The following XRCC4 variants were observed in gnomAD, a reference collection of about 807,000 sequenced individuals.
The protein encoded by XRCC4 is X-ray repair cross complementing 4, also known as DNA repair protein XRCC4.
Under a neutral mutation model 39.1 loss-of-function variants are expected in XRCC4, and 28 were observed. The ratio of observed to expected loss-of-function variants is 0.72; its 90% confidence interval spans 0.53 to 0.98. The LOEUF is 0.98. Among genes scored for constraint, XRCC4 ranks in the 50% least tolerant of loss-of-function variants. XRCC4 has a pLI of 0.00. For missense variants in XRCC4, 350 were observed against 376.4 expected (o/e 0.93, Z 0.58); for synonymous variants, 123 against 126.4 (o/e 0.97, Z 0.18).
chr5:83,355,319 G>T (rs574634095), downstream of XRCC4, among the ~76,000 whole-genome samples: 1 of 151,882 alleles, frequency 6.6e-6, no homozygotes, highest in African/African-American at 2.4e-5. Context: ...TCACTCTCTC[G>T]AATTACTTTT....
chr5:83,148,241 A>G (rs1270138701), intron 3 of XRCC4, among the ~76,000 whole-genome samples: 1 of 152,162 alleles, frequency 6.6e-6, no homozygotes, highest in Non-Finnish European at 1.5e-5. Flanking sequence ...ATTGTATCTG[A>G]TACACAGTAG....
In XRCC4 at chr5:83,101,752, A is replaced by T. The variant is rs920109315; in HGVS notation, c.-10-3158A>T. On this transcript the variant is annotated intron_variant, in intron 1 of 7. Coordinates refer to ENST00000396027, the MANE Select transcript of XRCC4 (RefSeq NM_003401.5). ...GCATGACTTGAATACTTAGAAGAAGAAGTTTATCAGATTTCTAGATGACAA... is the reference window on the plus strand; with the variant it reads ...GCATGACTTGAATACTTAGAAGAAGTAGTTTATCAGATTTCTAGATGACAA... Among the ~76,000 whole-genome samples, 7 of 152,264 alleles carry T rather than the reference A, an allele frequency of 4.6e-5. No homozygotes were observed. In the South Asian group the frequency reaches 6.2e-4, roughly 14 times the overall value.
chr5:83,339,485 T>C (rs1234803444), intron 7 of XRCC4, among the ~76,000 whole-genome samples: 1 of 148,582 alleles, frequency 6.7e-6, no homozygotes, highest in Non-Finnish European at 1.5e-5. Context: ...GAGATGGGGG[T>C]GGGGTGGGGG....
chr5:83,089,031 G>C (rs989324923), intron 1 of XRCC4, among the ~76,000 whole-genome samples: 3 of 152,202 alleles, frequency 2.0e-5, no homozygotes, highest in African/African-American at 7.2e-5. Context: ...TACTCTTTTA[G>C]CTGTGTGACC....
At chr5:83,348,464 G>A (rs959186510) in intron 7 of XRCC4, among the ~76,000 whole-genome samples, 1 of 152,228 alleles carries the variant, frequency 6.6e-6, no homozygotes, top group African/African-American at 2.4e-5. Context: ...ACCCTCTGAA[G>A]CAATGGCCCA....
chr5:83,363,717 G>A, the XRCC4 span, among the ~76,000 whole-genome samples: 4 of 152,314 alleles, frequency 2.6e-5, no homozygotes, highest in South Asian at 8.3e-4. Flanking sequence ...GATATAAGCA[G>A]AAGTGGTTTT....
intron 3 of XRCC4, among the ~76,000 whole-genome samples, chr5:83,114,237 G>A (rs980796609): frequency 3.9e-5 from 6 of 152,132 alleles, no homozygotes; most frequent in African/African-American, 1.2e-4. Context: ...GACATGCCTC[G>A]GAGACATTTC....
chr5:83,203,730 G>A (rs1422617403), intron 5 of XRCC4, 23 bp downstream of exon 5: 6 of 1,605,800 alleles, frequency 3.7e-6, no homozygotes, highest in Middle Eastern at 1.7e-4. Flanking sequence ...TCTTGTTTTT[G>A]GATGACAGAT....
At chr5:83,261,474 C>T (rs535219214) in intron 7 of XRCC4, among the ~76,000 whole-genome samples, 16 of 152,140 alleles carry the variant, frequency 1.1e-4, no homozygotes, top group Admixed American at 2.0e-4. Flanking sequence ...CTTCTGATTG[C>T]ATGACCTTCA....
intron 3 of XRCC4, among the ~76,000 whole-genome samples, chr5:83,125,268 A>G (rs1207111849): frequency 2.6e-5 from 4 of 152,178 alleles, no homozygotes; most frequent in Non-Finnish European, 4.4e-5. Flanking sequence ...ATGTAGAGCA[A>G]AAGCTTTTAT....
At chr5:83,206,427 T>C (rs1474911138) in intron 6 of XRCC4, among the ~76,000 whole-genome samples, 1 of 151,994 alleles carries the variant, frequency 6.6e-6, no homozygotes, top group Admixed American at 6.6e-5. Context: ...GGCAAAAATA[T>C]AAATGTGGTA....
the XRCC4 span, among the ~76,000 whole-genome samples, chr5:83,369,967 C>G: frequency 6.6e-6 from 1 of 152,114 alleles, no homozygotes; most frequent in Non-Finnish European, 1.5e-5. Context: ...GATGCTATCT[C>G]ATTGTGGTTT....
chr5:83,337,762 T>G (rs1413179508), intron 7 of XRCC4, among the ~76,000 whole-genome samples: 1 of 152,210 alleles, frequency 6.6e-6, no homozygotes, highest in African/African-American at 2.4e-5. Context: ...GAGTGGTTTA[T>G]TACACAACTG....
intron 6 of XRCC4, among the ~76,000 whole-genome samples, chr5:83,209,830 T>C (rs1173028715): frequency 6.6e-6 from 1 of 152,150 alleles, no homozygotes; most frequent in Non-Finnish European, 1.5e-5. Context: ...TCTTTTTAGC[T>C]GCATATTAAA....
chr5:83,364,095 G>A, the XRCC4 span, among the ~76,000 whole-genome samples: 2 of 152,076 alleles, frequency 1.3e-5, no homozygotes, highest in South Asian at 2.1e-4. Context: ...GTGAAAGAGG[G>A]GCTTAAATCC....
intron 6 of XRCC4, among the ~76,000 whole-genome samples, chr5:83,223,577 A>T (rs1296852849): frequency 3.5e-5 from 5 of 144,222 alleles, no homozygotes; most frequent in African/African-American, 1.3e-4. Flanking sequence ...TTTGAATGGA[A>T]TTTTTTTTTT....
At chr5:83,184,224 ATACT>A (rs778102568) in intron 3 of XRCC4, among the ~76,000 whole-genome samples, 1 of 152,126 alleles carries the variant, frequency 6.6e-6, no homozygotes, top group African/African-American at 2.4e-5. Flanking sequence ...GAATTTTAAA[ATACT>A]TATTTTTATG....
intron 7 of XRCC4, among the ~76,000 whole-genome samples, chr5:83,269,782 G>C (rs1202184409): frequency 6.6e-6 from 1 of 151,910 alleles, no homozygotes; most frequent in Non-Finnish European, 1.5e-5. Flanking sequence ...TTGGAAAATG[G>C]TACTACATCT....
chr5:83,163,601 G>A (rs941801349), intron 3 of XRCC4, among the ~76,000 whole-genome samples: 9 of 152,292 alleles, frequency 5.9e-5, no homozygotes, highest in Middle Eastern at 3.4e-3. Flanking sequence ...TGGTATTTAT[G>A]GCTTTAATAT....
Sources: allele counts gnomAD v4.1 joint callset (sites outside exome capture counted in the v4.1 genomes callset), GRCh38; gene constraint gnomAD v4.1.1; transcripts MANE v1.5; gene names NCBI Gene and HGNC (gene_info 2026-07-23, HGNC 2026-07-21).